Variants in THRA observed in about 807,000 individuals in gnomAD.
The protein encoded by THRA is thyroid hormone receptor alpha, also known as EAR-7.
THRA carries 13 observed loss-of-function variants against 45.0 expected under a neutral mutation model. The ratio of observed to expected loss-of-function variants is 0.29; its 90% CI spans 0.19 to 0.46. The LOEUF (loss-of-function observed/expected upper bound fraction) is 0.46. THRA is among the 20% of genes least tolerant of loss of function. THRA has a pLI of 1.00. For synonymous variants in THRA, 195 were observed against 214.0 expected (o/e 0.91, Z 0.78); for missense variants, 278 against 556.1 (o/e 0.50, Z 5.03).
In THRA at chr17:40,065,414, T is replaced by C. The variant is rs183657824; in HGVS notation, c.-298+2322T>C. On this transcript the variant is annotated intron_variant, in intron 1 of 8. Coordinates refer to ENST00000450525, the MANE Select transcript of THRA (RefSeq NM_199334.5). Reference sequence around the variant, plus strand: ...CTGGCGAGTGTCTGTGTGAGTGATATGTACTTTTGACTTGGAATTTCTCTC... The same window carrying C: ...CTGGCGAGTGTCTGTGTGAGTGATACGTACTTTTGACTTGGAATTTCTCTC... 3.6e-3 allele frequency among the ~76,000 whole-genome samples: 551 copies of C among 152,198 alleles called. 14 individuals are homozygous for C. Among genetic ancestry groups the C allele is most frequent in the East Asian group, 4.1e-3 (21 of 5,178 alleles).
chr17:40,093,013 C>G, downstream of THRA: 1 of 1,605,534 alleles, frequency 6.2e-7, no homozygotes. The surrounding 1 kb of genome is among the most constrained non-coding windows in gnomAD (Gnocchi z 5.9). Context: ...CTTTTCGTCT[C>G]GTAAAGGAGA....
chr17:40,070,002 T>G (rs1598388875), intron 1 of THRA, among the ~76,000 whole-genome samples: 1 of 150,096 alleles, frequency 6.7e-6, no homozygotes, highest in African/African-American at 2.5e-5. Context: ...GCAGGGGGGG[T>G]TTCCTGTTAT....
intron 1 of THRA, among the ~76,000 whole-genome samples, chr17:40,066,987 G>C (rs867840113): frequency 3.9e-5 from 6 of 152,146 alleles, no homozygotes; most frequent in African/African-American, 1.4e-4. Flanking sequence ...GGTGAAGGAA[G>C]CTGTGGGCCT....
At chr17:40,084,881 G>A (rs1288224184) in intron 6 of THRA, 66 bp downstream of exon 6, 13 of 1,566,766 alleles carry the variant, frequency 8.3e-6, no homozygotes, top group East Asian at 2.2e-5. Context: ...TGAGCTCGGA[G>A]TCTTGCCTCC....
At chr17:40,093,646 A>T (rs1020956844), downstream of THRA, 1 of 657,712 alleles carries the variant, frequency 1.5e-6, no homozygotes, top group African/African-American at 1.8e-5. The surrounding 1 kb of genome is among the most constrained non-coding windows in gnomAD (Gnocchi z 5.9). Context: ...TGAGGCCCCA[A>T]CTCAAGTGTC....
chr17:40,093,218 A>G (rs776855858), downstream of THRA: 2 of 1,613,702 alleles, frequency 1.2e-6, no homozygotes, highest in Admixed American at 3.3e-5. This position sits in a 1 kb window ranked among gnomAD's most constrained non-coding sequence, Gnocchi z 5.9. Flanking sequence ...CCAGAGCCCG[A>G]AGAGCCCGCA....
chr17:40,078,763 G>A (rs1020722091), intron 4 of THRA, among the ~76,000 whole-genome samples: 3 of 125,324 alleles, frequency 2.4e-5, no homozygotes, highest in Non-Finnish European at 4.7e-5. Flanking sequence ...ATGGCATCTC[G>A]CTCTGTTGCC....
chr17:40,073,181 G>A (rs1472219367), intron 1 of THRA, among the ~76,000 whole-genome samples: 3 of 152,160 alleles, frequency 2.0e-5, no homozygotes. Flanking sequence ...CGTATGTTGG[G>A]GAGCTGTACC....
At chr17:40,084,127 C>A (rs1987240407) in intron 5 of THRA, 145 bp downstream of exon 5, 1 of 1,009,744 alleles carries the variant, frequency 9.9e-7, no homozygotes, top group Non-Finnish European at 1.4e-6. Context: ...GTGTCTTGGT[C>A]CTTGCTGTCC....
At chr17:40,064,024 A>C (rs1986463620) in intron 1 of THRA, among the ~76,000 whole-genome samples, 1 of 145,500 alleles carries the variant, frequency 6.9e-6, no homozygotes, top group Non-Finnish European at 1.5e-5. Context: ...GTCCAAAATG[A>C]GGGGGGAAGC....
At chr17:40,093,651 A>T (rs1403377592), downstream of THRA, 2 of 652,482 alleles carry the variant, frequency 3.1e-6, no homozygotes, top group Non-Finnish European at 5.2e-6. This position sits in a 1 kb window ranked among gnomAD's most constrained non-coding sequence, Gnocchi z 5.9. Context: ...CCCCAACTCA[A>T]GTGTCACCTC....
intron 1 of THRA, among the ~76,000 whole-genome samples, chr17:40,069,594 T>G (rs1166735288): frequency 2.6e-5 from 4 of 152,002 alleles, no homozygotes; most frequent in Non-Finnish European, 5.9e-5. Context: ...CGCTGGCTGC[T>G]GGGGGAGGGT....
At chr17:40,093,203 CAGCACCAGAG>C, downstream of THRA, 1 of 1,613,832 alleles carries the variant, frequency 6.2e-7, no homozygotes, top group Admixed American at 1.7e-5. This position sits in a 1 kb window ranked among gnomAD's most constrained non-coding sequence, Gnocchi z 5.9. Flanking sequence ...GCCGGTTCTT[CAGCACCAGAG>C]CCCGAAGAGC....
intron 1 of THRA, among the ~76,000 whole-genome samples, chr17:40,066,995 C>T (rs1254044739): frequency 6.6e-6 from 1 of 152,210 alleles, no homozygotes; most frequent in Non-Finnish European, 1.5e-5. Flanking sequence ...AAGCTGTGGG[C>T]CTGGGGTCTC....
chr17:40,086,730 C>T lies in THRA; in HGVS notation c.600C>T (p.Pro200=). 7 of 1,614,108 alleles carry T rather than the reference C, an allele frequency of 4.3e-6. No homozygotes were observed. Among genetic ancestry groups the T allele is most frequent in the Non-Finnish European group, 5.9e-6 (7 of 1,179,996 alleles). The change falls in exon 7 of 9, where the codon CCC becomes CCT. Residue 200 remains proline, a synonymous_variant. Coordinates refer to ENST00000450525, the MANE Select transcript of THRA (RefSeq NM_199334.5). ...AGCCCGATGACATTGGCCAGTCACC[C>T]ATTGTCTCCATGCCGGACGGAGACA... The part of the protein sequence containing the change: ...KFLPDDIGQS[P]IVSMPDGDKV...
At position 40,088,330 on chromosome 17, in the gene THRA, G is replaced by A; in HGVS notation, c.812G>A (p.Ser271Asn). 1 of 1,614,052 alleles carries A rather than the reference G, an allele frequency of 6.2e-7. No homozygotes were observed. Among genetic ancestry groups the A allele is most frequent in the Non-Finnish European group, 8.5e-7 (1 of 1,179,938 alleles). The part of the protein sequence containing the change: ...LRAAVRYDPE[S>N]DTLTLSGEMA... ...GCGGCTGTCCGCTACGACCCTGAGAGCGACACCCTGACGCTGAGTGGGGAG... is the reference window on the plus strand; with the variant it reads ...GCGGCTGTCCGCTACGACCCTGAGAACGACACCCTGACGCTGAGTGGGGAG... The change falls in exon 8 of 9, where the codon AGC becomes AAC. Residue 271 changes from serine (S) to asparagine (N), a missense_variant. Coordinates refer to ENST00000450525, the MANE Select transcript of THRA (RefSeq NM_199334.5).
At position 40,092,273 on chromosome 17, in the gene THRA, C is replaced by A. The variant is rs1420766357; in HGVS notation, c.*2817C>A. The A allele has an allele frequency of 2.0e-5, 3 of 151,700 alleles. No individual in the cohort carries two copies. The highest frequency in any genetic ancestry group is 1.3e-4 in the Admixed American group (2 of 15,256). 9.4% of individuals were successfully genotyped at this position (151,700 alleles called of 1,614,324 possible). ...AGGGCAGGGCGTTGTGAGAGAGAGA[C>A]CGTCCATAAGGAGGACAGTAACTCC... On this transcript the variant is annotated 3_prime_UTR_variant, in exon 9 of 9. Coordinates refer to ENST00000450525, the MANE Select transcript of THRA (RefSeq NM_199334.5).
intron 4 of THRA, among the ~76,000 whole-genome samples, chr17:40,079,706 C>CA (rs1987073226): frequency 6.6e-6 from 1 of 152,182 alleles, no homozygotes; most frequent in African/African-American, 2.4e-5. Context: ...TGAATTGTCT[C>CA]ATTTAATTCT....
intron 7 of THRA, among the ~76,000 whole-genome samples, chr17:40,087,200 CACACAG>C (rs1368789102): frequency 5.8e-4 from 86 of 148,476 alleles, no homozygotes; most frequent in Admixed American, 4.5e-3. Context: ...ATACACCCAG[CACACAG>C]ACACACACAC....
Sources: allele counts gnomAD v4.1 joint callset (sites outside exome capture counted in the v4.1 genomes callset), GRCh38; gene constraint gnomAD v4.1.1; non-coding constraint Gnocchi (gnomAD v3.1); transcripts MANE v1.5; gene names NCBI Gene and HGNC (gene_info 2026-07-23, HGNC 2026-07-21).